The following SYNDIG1L variants were observed in gnomAD, a reference collection of about 807,000 sequenced individuals.
SYNDIG1L encodes synapse differentiation inducing 1 like, also known as synapse differentiation-inducing gene protein 1-like.
Under a neutral mutation model 20.1 loss-of-function variants are expected in SYNDIG1L, and 13 were observed. The observed-to-expected ratio is 0.65, with a 90% CI of 0.42 to 1.03. The LOEUF is 1.03. SYNDIG1L is among the 50% of genes least tolerant of loss of function. The pLI, the probability that SYNDIG1L is intolerant of heterozygous loss-of-function variation, is 0.00. For missense variants in SYNDIG1L, 294 were observed against 305.1 expected (o/e 0.96, Z 0.27); for synonymous variants, 128 against 129.3 (o/e 0.99, Z 0.07).
chr14:74,445,445 T>C, the SYNDIG1L span, among the ~76,000 whole-genome samples: 355 of 142,776 alleles, frequency 2.5e-3, 5 homozygotes, highest in Middle Eastern at 0.01. Context: ...CCTTACGATG[T>C]ATTAAAATTT....
chr14:74,438,791 C>T, the SYNDIG1L span, among the ~76,000 whole-genome samples: 1 of 152,288 alleles, frequency 6.6e-6, no homozygotes, highest in Middle Eastern at 3.4e-3. Context: ...CACTACCTGC[C>T]ACGTTCTGTA....
intron 1 of SYNDIG1L, among the ~76,000 whole-genome samples, chr14:74,419,710 G>C (rs1047736247): frequency 6.6e-6 from 1 of 152,164 alleles, no homozygotes; most frequent in African/African-American, 2.4e-5. Flanking sequence ...CCCTATTGTG[G>C]GATGGCAGTG....
chr14:74,456,859 G>A, the SYNDIG1L span, among the ~76,000 whole-genome samples: 1 of 152,128 alleles, frequency 6.6e-6, no homozygotes, highest in Admixed American at 6.5e-5. Flanking sequence ...AGCCATGGAG[G>A]GAAGTCACTC....
the SYNDIG1L span, among the ~76,000 whole-genome samples, chr14:74,431,868 A>G: frequency 9.7e-4 from 148 of 152,314 alleles, 1 homozygote; most frequent in Non-Finnish European, 1.0e-3. Flanking sequence ...GAGCCTTTCA[A>G]TATGCTCTGT....
At position 74,407,849 on chromosome 14, in the gene SYNDIG1L, C is replaced by T. The variant is rs1289430537; in HGVS notation, c.558G>A (p.Gly186=). Residue 186 remains glycine (G), a splice_region_variant and synonymous_variant, in exon 3 of 4, where the codon GGG becomes GGA. Transcript: ENST00000331628. ...LGIAAFYFSQ[G]TSKAISKGDF... ...GGACCTGGGCCCCAGGTGCTCTTAC[C>T]CCCTGGGAGAAGTAGAAGGCAGCAA... The T allele has an allele frequency of 1.2e-6, 2 of 1,611,382 alleles. No homozygotes were observed. Among genetic ancestry groups the T allele is most frequent in the Non-Finnish European group, 8.5e-7 (1 of 1,178,770 alleles).
chr14:74,438,745 A>G, the SYNDIG1L span, among the ~76,000 whole-genome samples: 1 of 152,198 alleles, frequency 6.6e-6, no homozygotes, highest in African/African-American at 2.4e-5. Flanking sequence ...TTCTGTTATC[A>G]GTGCCTAAAA....
the SYNDIG1L span, among the ~76,000 whole-genome samples, chr14:74,432,802 C>T: frequency 2.0e-5 from 3 of 151,390 alleles, no homozygotes; most frequent in African/African-American, 4.9e-5. Context: ...TGCAGTGAGT[C>T]GAGATTGCAC....
intron 1 of SYNDIG1L, among the ~76,000 whole-genome samples, chr14:74,424,362 C>T (rs74573536): frequency 0.023 from 3,554 of 152,198 alleles, 133 homozygotes; most frequent in African/African-American, 0.078. Flanking sequence ...TTCTGATACA[C>T]TTTAACATTT....
chr14:74,434,891 C>T, the SYNDIG1L span, among the ~76,000 whole-genome samples: 1 of 144,496 alleles, frequency 6.9e-6, no homozygotes. Context: ...ACCATCCTGG[C>T]TAATACAGTG....
At position 74,407,619 on chromosome 14, in the gene SYNDIG1L, T is replaced by G. The variant is rs1037413119; in HGVS notation, c.633A>C (p.Thr211=). 9.3e-6 allele frequency: 15 copies of G among 1,613,442 alleles called. No individual in the cohort carries two copies. Among genetic ancestry groups the G allele is most frequent in the Non-Finnish European group, 1.2e-5 (14 of 1,179,816 alleles). The change falls in exon 4 of 4, where the codon ACA becomes ACC. Residue 211 remains threonine, a synonymous_variant. Transcript: ENST00000331628. ...GACCGGCCCCCACGGCGATGGCGAG[T>G]GTGGCTAGGAAGAGGGCCCGGCGGG... The part of the protein sequence containing the change: ...TTSRRALFLA[T]LAIAVGAGLY...
the SYNDIG1L span, among the ~76,000 whole-genome samples, chr14:74,475,558 T>C: frequency 6.6e-6 from 1 of 151,930 alleles, no homozygotes; most frequent in Non-Finnish European, 1.5e-5. Context: ...GTCCAAGTTC[T>C]AGTGGCATCT....
At chr14:74,458,621 C>CAAAAAAAAA in the SYNDIG1L span, among the ~76,000 whole-genome samples, 4 of 79,854 alleles carry the variant, frequency 5.0e-5, no homozygotes, top group African/African-American at 1.4e-4. Flanking sequence ...GACTCCATCT[C>CAAAAAAAAA]AAAAAAAAAA....
chr14:74,435,822 G>A, the SYNDIG1L span, among the ~76,000 whole-genome samples: 1 of 152,198 alleles, frequency 6.6e-6, no homozygotes, highest in South Asian at 2.1e-4. Context: ...CGTGGAAAGT[G>A]AGGAGCAGTT....
At chr14:74,449,393 G>A in the SYNDIG1L span, among the ~76,000 whole-genome samples, 1 of 129,768 alleles carries the variant, frequency 7.7e-6, no homozygotes, top group Non-Finnish European at 1.6e-5. Context: ...TTTGAGGCTA[G>A]GAGTTCAAGA....
At position 74,407,909 on chromosome 14, in the gene SYNDIG1L, G is replaced by A. The variant is rs1399949649; in HGVS notation, c.498C>T (p.Leu166=). 1 of 1,613,946 alleles carries A rather than the reference G, an allele frequency of 6.2e-7. No homozygotes were observed. The highest frequency in any genetic ancestry group is 1.7e-5 in the Admixed American group (1 of 59,988). The stretch of plus-strand genomic sequence containing the variant: ...GCCAGAAGCAGCAGAGCATGGAGAA[G>A]AGAGTAAGTCCCAGGTGGTCCCTGG... ...LPPRDHLGLT[L]FSMLCCFWPL... is the part of the protein sequence containing the mutation. The change falls in exon 3 of 4, where the codon CTC becomes CTT. Residue 166 remains leucine (L), a synonymous_variant. Transcript: ENST00000331628.
chr14:74,423,844 C>T (rs1378256326), intron 1 of SYNDIG1L, among the ~76,000 whole-genome samples: 1 of 151,830 alleles, frequency 6.6e-6, no homozygotes, highest in East Asian at 1.9e-4. Flanking sequence ...GGGTCCCTGG[C>T]CCTTTGTTAC....
chr14:74,432,526 GC>G, the SYNDIG1L span, among the ~76,000 whole-genome samples: 2 of 152,204 alleles, frequency 1.3e-5, no homozygotes, highest in African/African-American at 4.8e-5. Context: ...GCCAGGTTGG[GC>G]ACTGGAGAGC....
At chr14:74,442,093 T>C in the SYNDIG1L span, among the ~76,000 whole-genome samples, 2,514 of 152,308 alleles carry the variant, frequency 0.017, 26 homozygotes, top group Middle Eastern at 0.041. Flanking sequence ...GGGTTAATAA[T>C]AGTACCTTTC....
At chr14:74,470,137 G>A in the SYNDIG1L span, among the ~76,000 whole-genome samples, 1 of 151,888 alleles carries the variant, frequency 6.6e-6, no homozygotes, top group Admixed American at 6.6e-5. Flanking sequence ...AATTTCTCTG[G>A]CAACAAGTCT....
Sources: allele counts gnomAD v4.1 joint callset (sites outside exome capture counted in the v4.1 genomes callset), GRCh38; gene constraint gnomAD v4.1.1; transcripts MANE v1.5; gene names NCBI Gene and HGNC (gene_info 2026-07-23, HGNC 2026-07-21).